ATAD2: variants seen among roughly 807,000 people sequenced by gnomAD.
The protein encoded by ATAD2 is ATPase family AAA domain-containing protein 2.
ATAD2 carries 62 observed loss-of-function variants against 168.9 expected under a neutral mutation model. The ratio of observed to expected loss-of-function variants is 0.37; its 90% CI spans 0.30 to 0.45. The LOEUF is 0.45. Ranked by LOEUF, ATAD2 falls within the 20% of genes least tolerant of loss-of-function variation. ATAD2 has a pLI of 1.00. For missense variants in ATAD2, 1,419 were observed against 1,667.8 expected (o/e 0.85, Z 2.60); for synonymous variants, 613 against 571.6 (o/e 1.07, Z -1.03).
At chr8:123,372,812 CA>C in intron 2 of ATAD2, 126 bp from the exon 3 acceptor site, 1 of 686,228 alleles carries the variant, frequency 1.5e-6, no homozygotes, top group Non-Finnish European at 2.2e-6. Context: ...ACTACAGCCT[CA>C]AACTGCTGGG....
chr8:123,366,030 A>G (rs1828966947), intron 8 of ATAD2, among the ~76,000 whole-genome samples: 1 of 152,232 alleles, frequency 6.6e-6, no homozygotes, highest in African/African-American at 2.4e-5. Context: ...CATCTGGCAA[A>G]AGACTAATAT....
chr8:123,389,974 ATATATATATATT>A (rs1188406569), intron 1 of ATAD2, among the ~76,000 whole-genome samples: 5 of 114,424 alleles, frequency 4.4e-5, no homozygotes, highest in East Asian at 4.6e-4. Context: ...ATATATATAT[ATATATATATATT>A]TTTTTTTTTT....
chr8:123,400,930 A>G (rs991119134), upstream of ATAD2: 43 of 1,399,688 alleles, frequency 3.1e-5, no homozygotes, highest in East Asian at 4.6e-5. The surrounding 1 kb of genome is among the most constrained non-coding windows in gnomAD (Gnocchi z 4.5). Context: ...CACGGACCCC[A>G]TGGTGCTGAG....
At chr8:123,348,832 G>A (rs554397319) in intron 14 of ATAD2, among the ~76,000 whole-genome samples, 1 of 152,204 alleles carries the variant, frequency 6.6e-6, no homozygotes, top group East Asian at 1.9e-4. Context: ...ACAAATAAGA[G>A]AAAAGTAACT....
At chr8:123,362,901 C>A (rs1227703886) in intron 8 of ATAD2, among the ~76,000 whole-genome samples, 1 of 152,064 alleles carries the variant, frequency 6.6e-6, no homozygotes, top group African/African-American at 2.4e-5. Context: ...TTACTCAACC[C>A]ATAAGTTTTC....
Position 123,328,173 on chromosome 8 carries a change from A to C in ATAD2, c.3868+17T>G, listed in dbSNP as rs767834213. 7.4e-7 allele frequency: 1 copy of C among 1,358,312 alleles called. No individual in the cohort carries two copies. Among genetic ancestry groups the C allele is most frequent in the Non-Finnish European group, 9.5e-7 (1 of 1,050,468 alleles). The allele number at this position is 1,358,312 out of a possible 1,614,324, so 84.1% of individuals were successfully genotyped here. On this transcript the variant is annotated intron_variant, in intron 25 of 27. Coordinates refer to ENST00000287394, the MANE Select transcript of ATAD2 (RefSeq NM_014109.4). ...TCTTTTAAAATCAGTAAATTATTTT[A>C]ATTGAAAAAGACGTACCTTTTCCTT...
At chr8:123,353,642 A>C (rs1466098992) in intron 13 of ATAD2, among the ~76,000 whole-genome samples, 1 of 151,978 alleles carries the variant, frequency 6.6e-6, no homozygotes, top group African/African-American at 2.4e-5. Flanking sequence ...TCAGTGTTAC[A>C]ATCCGCCATC....
chr8:123,350,621 T>C (rs567101655), intron 13 of ATAD2, among the ~76,000 whole-genome samples: 1 of 152,322 alleles, frequency 6.6e-6, no homozygotes, highest in South Asian at 2.1e-4. Context: ...TAGAATTTCC[T>C]TCCCACGTTC....
chr8:123,396,752 G>A (rs1275553799), upstream of ATAD2, among the ~76,000 whole-genome samples: 4 of 152,166 alleles, frequency 2.6e-5, no homozygotes, highest in Admixed American at 6.5e-5. Flanking sequence ...ACGGCGGCGG[G>A]GGAAGGGAGG....
rs1210640026 is a variant in ATAD2 at position 123,402,207 on chromosome 8, C to T, written c.-2281-1032G>A. ...CTGAGTGGTCCACAGATTTGCACTA[C>T]GGGTTCCCCAGCTCCTTTCCAGGGA... is the stretch of plus-strand genomic sequence containing the variant. On this transcript the variant is annotated intron_variant, in intron 1 of 28. Coordinates refer to the ATAD2 transcript ENST00000521903. This position sits in a 1 kb window ranked among gnomAD's most constrained non-coding sequence, Gnocchi z 4.8. The T allele has an allele frequency of 1.8e-5, 11 of 621,910 alleles. No homozygotes were observed. The highest frequency in any genetic ancestry group is 5.5e-5 in the African/African-American group (3 of 54,872). The allele number at this position is 621,910 out of a possible 1,614,324, so 38.5% of individuals were successfully genotyped here.
Position 123,396,347 on chromosome 8 carries a change from A to C in ATAD2, c.11T>G (p.Leu4Arg). 2.5e-6 allele frequency: 4 copies of C among 1,595,360 alleles called. No individual in the cohort carries two copies. The highest frequency in any genetic ancestry group is 3.4e-6 in the Non-Finnish European group (4 of 1,172,606). MVV[L>R]RSSLELHNHS... ...GTTGTGCAGCTCCAAGCTGCTGCGG[A>C]GAACCACCATCTTCTCTCCCTACTG... The change falls in exon 1 of 28, where the codon CTC becomes CGC. Residue 4 changes from leucine (L) to arginine (R), a missense_variant. Coordinates refer to ENST00000287394, the MANE Select transcript of ATAD2 (RefSeq NM_014109.4).
At position 123,334,292 on chromosome 8, in the gene ATAD2, A is replaced by AAG; in HGVS notation, c.3241_3242insCT (p.Leu1081SerfsTer2). The AAG allele has an allele frequency of 6.3e-7, 1 of 1,594,050 alleles. No homozygotes were observed. The highest frequency in any genetic ancestry group is 8.5e-7 in the Non-Finnish European group (1 of 1,174,720). ...AATTATGGCATAGGCAGTATCTCTT[A>AAG]AAGCACAGGCTCTATGCCTAATAAG... is the stretch of plus-strand genomic sequence containing the variant. On this transcript the variant is annotated frameshift_variant, in exon 23 of 28. Coordinates refer to ENST00000287394, the MANE Select transcript of ATAD2 (RefSeq NM_014109.4). LOFTEE classifies it high-confidence loss of function.
Position 123,325,043 on chromosome 8 carries a change from A to AT in ATAD2, c.4002+849dup, listed in dbSNP as rs200623147. 9.8e-4 allele frequency among the ~76,000 whole-genome samples: 138 copies of AT among 140,932 alleles called. 1 individual carries two copies. The highest frequency in any genetic ancestry group is 2.7e-3 in the Admixed American group (37 of 13,890). 92.5% of individuals were successfully genotyped at this position (140,932 alleles called of 152,430 possible). A position where few individuals can be genotyped will look rare whatever the true frequency, so the allele number is the denominator to read the frequency against. ...TGGGCAACACAGTGAGACTTTGTCT[A>AT]TTTTTTTTTTAAGAATTAAAAATCT... On this transcript the variant is annotated intron_variant, in intron 26 of 27. Coordinates refer to ENST00000287394, the MANE Select transcript of ATAD2 (RefSeq NM_014109.4).
chr8:123,339,239 G>T, intron 20 of ATAD2, 72 bp downstream of exon 20: 1 of 1,288,470 alleles, frequency 7.8e-7, no homozygotes, highest in Non-Finnish European at 1.1e-6. Context: ...TCAGATACAT[G>T]TCAATGCCAT....
intron 15 of ATAD2, among the ~76,000 whole-genome samples, chr8:123,347,751 A>G (rs990946989): frequency 2.0e-5 from 3 of 152,190 alleles, no homozygotes; most frequent in Non-Finnish European, 2.9e-5. Flanking sequence ...CTCTCCAGCC[A>G]TTTCTTCATC....
chr8:123,333,034 G>T (rs1458651257), intron 24 of ATAD2, among the ~76,000 whole-genome samples: 4 of 151,580 alleles, frequency 2.6e-5, no homozygotes, highest in Non-Finnish European at 5.9e-5. Context: ...TACAATAGAA[G>T]GTTCAACCCC....
chr8:123,328,286 T>A lies in ATAD2; in HGVS notation c.3772A>T (p.Thr1258Ser). ...IENELEDSRKTTACTELRDKI... is the reference protein window; with the variant it reads ...IENELEDSRKSTACTELRDKI... Reference sequence around the variant, plus strand: ...TCTCTCAATTCTGTACATGCTGTAGTCTTCCTAGAGTCTTCAAGCTCATTC... The same window carrying A: ...TCTCTCAATTCTGTACATGCTGTAGACTTCCTAGAGTCTTCAAGCTCATTC... The change falls in exon 25 of 28, where the codon ACT becomes TCT. Residue 1258 changes from threonine to serine, a missense_variant. Physicochemically the swap from Thr to Ser is moderately conservative, Grantham distance 58. Transcript: ENST00000287394. The A allele has an allele frequency of 6.3e-7, 1 of 1,594,940 alleles. No homozygotes were observed. Among genetic ancestry groups the A allele is most frequent in the Non-Finnish European group, 8.5e-7 (1 of 1,172,644 alleles).
chr8:123,381,805 T>C (rs561853503), intron 1 of ATAD2, among the ~76,000 whole-genome samples: 2 of 151,878 alleles, frequency 1.3e-5, no homozygotes, highest in African/African-American at 2.4e-5. Context: ...CTTTGGGAGG[T>C]TGAGGTGGGC....
intron 2 of ATAD2, among the ~76,000 whole-genome samples, chr8:123,373,521 G>T (rs1477581429): frequency 6.6e-6 from 1 of 151,998 alleles, no homozygotes; most frequent in Admixed American, 6.6e-5. Flanking sequence ...AGGCACAGTA[G>T]TTCACACCTG....
Sources: gnomAD v4.1 joint callset for allele counts (sites outside exome capture counted in the v4.1 genomes callset) on GRCh38, gnomAD v4.1.1 for gene constraint, Gnocchi (gnomAD v3.1) non-coding constraint, MANE v1.5 for transcripts, NCBI Gene and HGNC (gene_info 2026-07-23, HGNC 2026-07-21) for gene names.